TENM4: variants seen among roughly 807,000 people sequenced by gnomAD.
TENM4 encodes the protein teneurin transmembrane protein 4, also known as teneurin-4.
Under a neutral mutation model 243.3 loss-of-function variants are expected in TENM4, and 82 were observed. That is an observed-to-expected ratio of 0.34 (90% CI 0.28 to 0.40). TENM4 has a LOEUF of 0.40. Among genes scored for constraint, TENM4 ranks in the 10% least tolerant of loss-of-function variants. The pLI, the probability that TENM4 is intolerant of heterozygous loss-of-function variation, is 1.00. For synonymous variants in TENM4, 1,412 were observed against 1,456.3 expected, an observed-to-expected ratio of 0.97 and a Z score of 0.69; for missense variants, 3,138 against 3,673.3, an observed-to-expected ratio of 0.85 and a Z score of 3.77.
chr11:79,033,370 C>G (rs970410551), intron 6 of TENM4, among the ~76,000 whole-genome samples: 9 of 152,196 alleles, frequency 5.9e-5, no homozygotes, highest in African/African-American at 1.9e-4. Context: ...GAATTAAGTT[C>G]TGTTTTCCTG....
intron 6 of TENM4, among the ~76,000 whole-genome samples, chr11:78,932,197 CT>C (rs1281711924): frequency 6.6e-6 from 1 of 152,208 alleles, no homozygotes; most frequent in African/African-American, 2.4e-5. Flanking sequence ...CTGTAGCTGT[CT>C]GTCAAAGTCC....
Position 78,657,875 on chromosome 11 carries a change from G to T in TENM4, c.*183C>A. On this transcript the variant is annotated 3_prime_UTR_variant, in exon 34 of 34. Transcript: ENST00000278550. ...ATACCTTCTGTTCTTTGCAAAAAAT[G>T]TGCGAAGGCCAAATCTGTGTTTTTC... The T allele has an allele frequency of 1.1e-6, 1 of 900,548 alleles. No homozygotes were observed. The highest frequency in any genetic ancestry group is 2.4e-5 in the East Asian group (1 of 40,978). The allele number at this position is 900,548 out of a possible 1,614,324, so 55.8% of individuals were successfully genotyped here. A position where few individuals can be genotyped will look rare whatever the true frequency, so the allele number is the denominator to read the frequency against.
chr11:79,400,694 G>A (rs1185425055), intron 1 of TENM4, among the ~76,000 whole-genome samples: 1 of 152,194 alleles, frequency 6.6e-6, no homozygotes, highest in Non-Finnish European at 1.5e-5. Flanking sequence ...CTGCTGTGAG[G>A]GCTGAGGGGA....
At chr11:79,120,181 TC>T in intron 4 of TENM4, among the ~76,000 whole-genome samples, 1 of 152,126 alleles carries the variant, frequency 6.6e-6, no homozygotes, top group Non-Finnish European at 1.5e-5. Flanking sequence ...TGAAAGGACT[TC>T]AGTGAAAAAT....
intron 15 of TENM4, among the ~76,000 whole-genome samples, chr11:78,797,701 G>C (rs1184484411): frequency 4.6e-5 from 7 of 152,130 alleles, no homozygotes; most frequent in Non-Finnish European, 1.0e-4. Flanking sequence ...CAACTGGGAG[G>C]CTCTTCCGTG....
chr11:78,812,044 C>T (rs770791166), intron 14 of TENM4, 78 bp downstream of exon 14: 1 of 1,477,724 alleles, frequency 6.8e-7, no homozygotes, highest in Non-Finnish European at 9.1e-7. Flanking sequence ...TTCCCCTGCT[C>T]CCTGGTCACC....
intron 3 of TENM4, among the ~76,000 whole-genome samples, chr11:79,180,006 T>C (rs1464871082): frequency 1.3e-5 from 2 of 151,762 alleles, no homozygotes; most frequent in Non-Finnish European, 2.9e-5. Context: ...TCATGATCTC[T>C]CTGTCTCCAA....
At chr11:78,720,324 C>A (rs1364870552) in intron 25 of TENM4, 46 bp downstream of exon 25, 1 of 1,610,136 alleles carries the variant, frequency 6.2e-7, no homozygotes, top group South Asian at 1.1e-5. Context: ...ATACAGCATG[C>A]AACAAGGCAG....
chr11:78,925,190 T>C (rs1565128582), intron 6 of TENM4, among the ~76,000 whole-genome samples: 1 of 152,176 alleles, frequency 6.6e-6, no homozygotes, highest in African/African-American at 2.4e-5. Flanking sequence ...GAGCGTCAAC[T>C]GAGATTTGTG....
At chr11:78,668,575 T>C (rs1858221610) in intron 32 of TENM4, among the ~76,000 whole-genome samples, 1 of 151,818 alleles carries the variant, frequency 6.6e-6, no homozygotes, top group South Asian at 2.1e-4. Context: ...ATGTATCCCA[T>C]GAGATATTAG....
At chr11:78,954,826 G>C (rs988736436) in intron 6 of TENM4, among the ~76,000 whole-genome samples, 2 of 152,250 alleles carry the variant, frequency 1.3e-5, no homozygotes, top group African/African-American at 4.8e-5. Context: ...GACTAAGACA[G>C]TGACACAGAA....
At chr11:79,146,189 G>A (rs1165269882) in intron 4 of TENM4, among the ~76,000 whole-genome samples, 2 of 152,022 alleles carry the variant, frequency 1.3e-5, no homozygotes, top group Non-Finnish European at 2.9e-5. Flanking sequence ...AGCACCCTGT[G>A]ATACACAATT....
chr11:78,871,407 A>G (rs529488008), intron 9 of TENM4, among the ~76,000 whole-genome samples: 1 of 152,158 alleles, frequency 6.6e-6, no homozygotes, highest in African/African-American at 2.4e-5. Context: ...AAGTGAGGAC[A>G]TATCAGGACC....
At chr11:78,989,841 C>A (rs1295122668) in intron 6 of TENM4, among the ~76,000 whole-genome samples, 4 of 151,954 alleles carry the variant, frequency 2.6e-5, no homozygotes, top group African/African-American at 9.7e-5. Context: ...ATCACTTGAG[C>A]CCAGGAGTTT....
intron 28 of TENM4, among the ~76,000 whole-genome samples, chr11:78,699,485 T>G (rs538823765): frequency 5.3e-5 from 8 of 152,186 alleles, no homozygotes; most frequent in African/African-American, 1.2e-4. Flanking sequence ...GCCTGGCACA[T>G]AGTAGGATCT....
intron 6 of TENM4, among the ~76,000 whole-genome samples, chr11:78,942,837 G>C (rs1856931651): frequency 6.7e-6 from 1 of 148,216 alleles, no homozygotes; most frequent in South Asian, 2.1e-4. Context: ...AAAAGGCTCA[G>C]TGAGGGAGGT....
intron 2 of TENM4, among the ~76,000 whole-genome samples, chr11:79,225,519 G>A (rs1416343530): frequency 6.6e-6 from 1 of 152,168 alleles, no homozygotes; most frequent in Non-Finnish European, 1.5e-5. Flanking sequence ...TGAGGCTCAA[G>A]CAAGTCTCCC....
chr11:78,809,909 C>T (rs551083983), intron 14 of TENM4, among the ~76,000 whole-genome samples: 1 of 152,302 alleles, frequency 6.6e-6, no homozygotes, highest in South Asian at 2.1e-4. Context: ...ATTAGACACT[C>T]TGCAGGACCA....
chr11:78,658,407 G>C lies in TENM4; in HGVS notation c.7961C>G (p.Thr2654Arg). The C allele has an allele frequency of 6.2e-7, 1 of 1,614,068 alleles. No individual in the cohort carries two copies. Among genetic ancestry groups the C allele is most frequent in the South Asian group, 1.1e-5 (1 of 91,088 alleles). The change falls in exon 34 of 34, where the codon ACA becomes AGA. Residue 2654 changes from threonine (T) to arginine (R), a missense_variant. Transcript: ENST00000278550. ...GVNVTVSQIN[T>R]VLNGRTRRYT... The stretch of plus-strand genomic sequence containing the variant: ...GCGTCTAGTCCTGCCATTAAGTACT[G>C]TGTTGATCTGGGACACAGTGACGTT...
Sources: allele counts gnomAD v4.1 joint callset (sites outside exome capture counted in the v4.1 genomes callset), GRCh38; gene constraint gnomAD v4.1.1; transcripts MANE v1.5; gene names NCBI Gene and HGNC (gene_info 2026-07-23, HGNC 2026-07-21).